The following TRPV4 variants were observed in gnomAD, a reference collection of about 807,000 sequenced individuals.
TRPV4 encodes the protein OSM9-like transient receptor potential channel 4.
In TRPV4, 58 loss-of-function variants were observed where a neutral mutation model predicts 84.1. The observed-to-expected ratio is 0.69, with a 90% CI of 0.56 to 0.86. TRPV4 has a LOEUF of 0.86. Ranked by LOEUF, TRPV4 falls within the 40% of genes least tolerant of loss-of-function variation. The pLI is 0.00. For missense variants in TRPV4, 879 were observed against 1,181.1 expected, an observed-to-expected ratio of 0.74 and a Z score of 3.75; for synonymous variants, 489 against 500.9, an observed-to-expected ratio of 0.98 and a Z score of 0.32.
intron 1 of TRPV4, among the ~76,000 whole-genome samples, chr12:109,820,539 T>TTTTTTTTTTTTTTC (rs1167500538): frequency 6.8e-6 from 1 of 147,144 alleles, no homozygotes; most frequent in African/African-American, 2.5e-5. Context: ...TTTTTTTTTT[T>TTTTTTTTTTTTTTC]TTGAGACGGA....
chr12:109,820,688 A>AT (rs1382195943), intron 1 of TRPV4, among the ~76,000 whole-genome samples: 3 of 151,022 alleles, frequency 2.0e-5, no homozygotes, highest in African/African-American at 7.3e-5. Flanking sequence ...CGCCCGGCTA[A>AT]TTTTTTGTAT....
intron 3 of TRPV4, among the ~76,000 whole-genome samples, chr12:109,803,482 G>C (rs985290639): frequency 6.6e-6 from 1 of 151,804 alleles, no homozygotes; most frequent in East Asian, 1.9e-4. Context: ...AGAGGGTCTC[G>C]CTCTGTCATC....
chr12:109,794,705 T>A (rs1890282169), intron 7 of TRPV4, among the ~76,000 whole-genome samples: 1 of 152,182 alleles, frequency 6.6e-6, no homozygotes, highest in African/African-American at 2.4e-5. Context: ...AACTCGGAAC[T>A]GGAAAGTCCC....
chr12:109,798,689 G>A lies in TRPV4; in HGVS notation c.1077C>T (p.Asp359=). 6.2e-7 allele frequency: 1 copy of A among 1,613,956 alleles called. No individual in the cohort carries two copies. Among genetic ancestry groups the A allele is most frequent in the Admixed American group, 1.7e-5 (1 of 60,026 alleles). ...LLLKCARLFP[D]SNLEAVLNND... ...TGTTGAGCACGGCCTCCAGGTTGCT[G>A]TCGGGGAAGAGGCGGGCACACTTGA... Residue 359 remains aspartate, a synonymous_variant, in exon 6 of 16, where the codon GAC becomes GAT. Coordinates refer to ENST00000261740, the MANE Select transcript of TRPV4 (RefSeq NM_021625.5). This position sits in a 1 kb window ranked among gnomAD's most constrained non-coding sequence, Gnocchi z 5.0.
intron 10 of TRPV4, 73 bp from the exon 11 acceptor site, chr12:109,792,890 G>GTGT: frequency 1.3e-6 from 2 of 1,494,448 alleles, no homozygotes; most frequent in Non-Finnish European, 1.8e-6. Flanking sequence ...GGGAAGACAC[G>GTGT]CCTCCAAGCC....
chr12:109,813,091 G>C (rs546040260), intron 2 of TRPV4, among the ~76,000 whole-genome samples: 45 of 152,282 alleles, frequency 3.0e-4, no homozygotes, highest in African/African-American at 1.0e-3. Context: ...ATGGGGGACA[G>C]ATGAGTACGT....
Position 109,786,735 on chromosome 12 carries a change from TGCCGTCC to T in TRPV4, c.2304_2310del (p.Asp769LeufsTer13). On this transcript the variant is annotated frameshift_variant, in exon 14 of 16. Transcript: ENST00000261740. LOFTEE classifies it high-confidence loss of function. This position sits in a 1 kb window ranked among gnomAD's most constrained non-coding sequence, Gnocchi z 4.5. ...CTGAAGCACCACCTGCGGTCAGGAG[TGCCGTCC>T]GAGCTCTTGCCCACGGTGACCATCT... 6.2e-7 allele frequency: 1 copy of T among 1,613,678 alleles called. No individual in the cohort carries two copies. Among genetic ancestry groups the T allele is most frequent in the Non-Finnish European group, 8.5e-7 (1 of 1,179,980 alleles).
intron 4 of TRPV4, 115 bp from the exon 5 acceptor site, chr12:109,800,873 G>A: frequency 3.1e-6 from 3 of 977,764 alleles, no homozygotes; most frequent in Non-Finnish European, 4.8e-6. Context: ...GATGCAGGCA[G>A]AGTCCTGCCC....
chr12:109,815,362 G>A lies in TRPV4; in HGVS notation c.-31-535C>T, dbSNP rs1182967479. Among the ~76,000 whole-genome samples the A allele has an allele frequency of 6.6e-6, 1 of 152,256 alleles. No homozygotes were observed. Among genetic ancestry groups the A allele is most frequent in the Non-Finnish European group, 1.5e-5 (1 of 68,046 alleles). ...ACCTGCTAAGGCAGAACCATTAACC[G>A]TGGGCTTCAGGCACAGGAGGGGCTC... On this transcript the variant is annotated intron_variant, in intron 1 of 15. Transcript: ENST00000261740. This position sits in a 1 kb window ranked among gnomAD's most constrained non-coding sequence, Gnocchi z 4.1.
intron 12 of TRPV4, among the ~76,000 whole-genome samples, chr12:109,791,057 A>G (rs1889994027): frequency 6.6e-6 from 1 of 152,180 alleles, no homozygotes; most frequent in Non-Finnish European, 1.5e-5. Flanking sequence ...CCAGGGCAGC[A>G]CAGCCACCCA....
chr12:109,802,450 C>T (rs962342501), intron 4 of TRPV4, among the ~76,000 whole-genome samples: 4 of 151,764 alleles, frequency 2.6e-5, no homozygotes, highest in African/African-American at 9.7e-5. Flanking sequence ...TATAGGTGCG[C>T]ACCACCACGC....
At chr12:109,805,832 A>G (rs1056263351) in intron 3 of TRPV4, among the ~76,000 whole-genome samples, 1 of 152,132 alleles carries the variant, frequency 6.6e-6, no homozygotes, top group African/African-American at 2.4e-5. Flanking sequence ...ACAGACACAC[A>G]TGCATCTGGG....
At position 109,812,396 on chromosome 12, in the gene TRPV4, T is replaced by A. The variant is rs570735037; in HGVS notation, c.386+2015A>T. Among the ~76,000 whole-genome samples, 231 of 152,296 alleles carry A rather than the reference T, an allele frequency of 1.5e-3. 2 individuals are homozygous for A. Among genetic ancestry groups the A allele is most frequent in the African/African-American group, 5.2e-3 (218 of 41,550 alleles). On this transcript the variant is annotated intron_variant, in intron 2 of 15. Transcript: ENST00000261740. Reference sequence around the variant, plus strand: ...GGTTGAATGCCTTGGGGTTTCCAGCTCTTTCTAAGCCTCAGGAAAGCCACT... The same window carrying A: ...GGTTGAATGCCTTGGGGTTTCCAGCACTTTCTAAGCCTCAGGAAAGCCACT...
chr12:109,803,161 C>T lies in TRPV4; in HGVS notation c.560-18G>A. On this transcript the variant is annotated intron_variant, in intron 3 of 15. Transcript: ENST00000261740. The stretch of plus-strand genomic sequence containing the variant: ...AGATGGCTCTAGCAAGAGAGACACA[C>T]AAGATGACGCAGTGCTCCAGCCCAT... The T allele has an allele frequency of 6.2e-7, 1 of 1,613,288 alleles. No homozygotes were observed. The highest frequency in any genetic ancestry group is 1.1e-5 in the South Asian group (1 of 91,078).
In TRPV4 at chr12:109,793,903, TG is replaced by T. The variant is rs56198703; in HGVS notation, c.1584+26del. ...GAAGAGAAGAGGAGGGCAGGCAGGG[TG>T]GGGGGCACGGGGGCCAGGCACTTAC... On this transcript the variant is annotated intron_variant, in intron 9 of 15. Transcript: ENST00000261740. The surrounding 1 kb of genome is among the most constrained non-coding windows in gnomAD (Gnocchi z 4.0). The T allele has an allele frequency of 3.0e-6, 4 of 1,339,250 alleles. No individual in the cohort carries two copies. Among genetic ancestry groups the T allele is most frequent in the East Asian group, 5.5e-5 (2 of 36,470 alleles). The allele number at this position is 1,339,250 out of a possible 1,614,324, so 83.0% of individuals were successfully genotyped here. A position where few individuals can be genotyped will look rare whatever the true frequency, so the allele number is the denominator to read the frequency against.
intron 12 of TRPV4, among the ~76,000 whole-genome samples, chr12:109,791,163 A>G (rs940325647): frequency 6.6e-6 from 1 of 151,924 alleles, no homozygotes; most frequent in Non-Finnish European, 1.5e-5. Context: ...TGGGTGGATC[A>G]CTTGGGGTCA....
At chr12:109,821,969 G>T (rs971199077) in intron 1 of TRPV4, among the ~76,000 whole-genome samples, 8 of 152,034 alleles carry the variant, frequency 5.3e-5, no homozygotes, top group South Asian at 2.1e-4. Flanking sequence ...TGAATATTTG[G>T]TTTTTTTAGG....
rs1031700149 is a variant in TRPV4 at position 109,796,860 on chromosome 12, G to T, written c.1153-156C>A. The stretch of plus-strand genomic sequence containing the variant: ...GTTTAATTCTTGCTCTTATTATCTT[G>T]GTTTACAGATAAAGAATGGAGGCTG... On this transcript the variant is annotated intron_variant, in intron 6 of 15. Coordinates refer to ENST00000261740, the MANE Select transcript of TRPV4 (RefSeq NM_021625.5). This position sits in a 1 kb window ranked among gnomAD's most constrained non-coding sequence, Gnocchi z 4.2. Among the ~76,000 whole-genome samples the T allele has an allele frequency of 2.0e-5, 3 of 152,124 alleles. No individual in the cohort carries two copies. Among genetic ancestry groups the T allele is most frequent in the African/African-American group, 7.2e-5 (3 of 41,418 alleles).
At chr12:109,813,360 C>T (rs568956278) in intron 2 of TRPV4, among the ~76,000 whole-genome samples, 11 of 151,888 alleles carry the variant, frequency 7.2e-5, no homozygotes, top group African/African-American at 1.9e-4. Flanking sequence ...TTCAGTGAGC[C>T]GAGATCATGC....
Sources: gnomAD v4.1 joint callset for allele counts (sites outside exome capture counted in the v4.1 genomes callset) on GRCh38, gnomAD v4.1.1 for gene constraint, Gnocchi (gnomAD v3.1) non-coding constraint, MANE v1.5 for transcripts, NCBI Gene and HGNC (gene_info 2026-07-23, HGNC 2026-07-21) for gene names.